CD46: variants seen among roughly 807,000 people sequenced by gnomAD.
The protein encoded by CD46 is membrane cofactor protein.
CD46 carries 30 observed loss-of-function variants against 53.3 expected under a neutral mutation model. That is an observed-to-expected ratio of 0.56 (90% CI 0.42 to 0.76). The LOEUF (loss-of-function observed/expected upper bound fraction) is 0.76, where lower values mean the gene tolerates loss of function less well. Among genes scored for constraint, CD46 ranks in the 30% least tolerant of loss-of-function variants. The probability of loss-of-function intolerance (pLI) is 0.00; values close to 1 mark genes in which losing one functional copy is unlikely to be tolerated. For missense variants in CD46, 409 were observed against 463.0 expected, an observed-to-expected ratio of 0.88 and a Z score of 1.07; for synonymous variants, 142 against 152.0, an observed-to-expected ratio of 0.93 and a Z score of 0.48.
At chr1:207,779,371 G>A (rs866309039) in intron 8 of CD46, among the ~76,000 whole-genome samples, 1 of 152,018 alleles carries the variant, frequency 6.6e-6, no homozygotes. Context: ...TCTTAAAAAT[G>A]ATATTATGCT....
intron 1 of CD46, 62 bp from the exon 2 acceptor site, chr1:207,756,952 T>C: frequency 7.2e-7 from 1 of 1,393,084 alleles, no homozygotes; most frequent in African/African-American, 1.4e-5. Context: ...CAGACCACAG[T>C]CCATGGCTGA....
intron 8 of CD46, 90 bp downstream of exon 8, chr1:207,770,452 G>C: frequency 1.1e-6 from 1 of 936,660 alleles, no homozygotes; most frequent in Middle Eastern, 3.3e-4. Flanking sequence ...TGTGCACAGC[G>C]TGCAGGTTTG....
chr1:207,774,512 G>A (rs1021022241), intron 8 of CD46, among the ~76,000 whole-genome samples: 1 of 152,196 alleles, frequency 6.6e-6, no homozygotes, highest in Non-Finnish European at 1.5e-5. Flanking sequence ...TTTTTGCAGT[G>A]GCTGGTACCG....
chr1:207,786,018 C>T (rs896972360), intron 11 of CD46: 1 of 222,608 alleles, frequency 4.5e-6, no homozygotes, highest in African/African-American at 2.3e-5. Context: ...CAAAATTGCA[C>T]TAATGGCCAA....
rs1660033853 is a variant in CD46, at chr1:207,794,000, A to G, written c.*523A>G. 1 of 191,242 alleles carries G rather than the reference A, an allele frequency of 5.2e-6. No homozygotes were observed. The allele number at this position is 191,242 out of a possible 1,614,324, so 11.8% of individuals were successfully genotyped here. ...AGATTATTCTTTCACCAACTATAGA[A>G]TGTATTTTATATATCGTTCATTGTA... On this transcript the variant is annotated 3_prime_UTR_variant, in exon 13 of 13. Coordinates refer to ENST00000367042, the MANE Select transcript of CD46 (RefSeq NM_172351.3).
chr1:207,752,364 T>A lies in CD46; in HGVS notation c.97+55T>A. ...GCGGCGAGACTAGAGCTCTCCTCAGTCGGGCAAGAGTCGCGGGGCGGGGCT... is the reference window on the plus strand; with the variant it reads ...GCGGCGAGACTAGAGCTCTCCTCAGACGGGCAAGAGTCGCGGGGCGGGGCT... On this transcript the variant is annotated intron_variant, in intron 1 of 12. Coordinates refer to ENST00000367042, the MANE Select transcript of CD46 (RefSeq NM_172351.3). The surrounding 1 kb of genome is among the most constrained non-coding windows in gnomAD (Gnocchi z 4.1). 5 of 1,534,580 alleles carry A rather than the reference T, an allele frequency of 3.3e-6. No homozygotes were observed. The highest frequency in any genetic ancestry group is 4.5e-6 in the Non-Finnish European group (5 of 1,109,064).
chr1:207,794,932 T>C lies in CD46; in HGVS notation c.*1455T>C, dbSNP rs1233404482. On this transcript the variant is annotated 3_prime_UTR_variant, in exon 13 of 13. Coordinates refer to ENST00000367042, the MANE Select transcript of CD46 (RefSeq NM_172351.3). The stretch of plus-strand genomic sequence containing the variant: ...AGATATGATTGGAAAATCAAGAGTG[T>C]AGAAGAATAAATACTGTTTTACTGT... The C allele has an allele frequency of 1.3e-5, 2 of 152,212 alleles. No homozygotes were observed. Among genetic ancestry groups the C allele is most frequent in the African/African-American group, 2.4e-5 (1 of 41,470 alleles). The allele number at this position is 152,212 out of a possible 1,614,324, so 9.4% of individuals were successfully genotyped here. A position where few individuals can be genotyped will look rare whatever the true frequency, so the allele number is the denominator to read the frequency against.
At chr1:207,765,283 G>A (rs958722231) in intron 5 of CD46, among the ~76,000 whole-genome samples, 2 of 152,082 alleles carry the variant, frequency 1.3e-5, no homozygotes, top group South Asian at 4.1e-4. Context: ...AAACTTCTCA[G>A]CAAACTAGGA....
At chr1:207,761,535 G>A (rs537638949) in intron 5 of CD46, 89 bp downstream of exon 5, 13 of 1,029,898 alleles carry the variant, frequency 1.3e-5, no homozygotes, top group Non-Finnish European at 2.0e-5. Context: ...CAAAGCAGGT[G>A]TATGTGCTTC....
At position 207,767,171 on chromosome 1, in the gene CD46, C is replaced by T; in HGVS notation, c.832C>T (p.Pro278Ser). Residue 278 changes from proline (P) to serine (S), a missense_variant, in exon 6 of 13, where the codon CCC (proline) becomes TCC (serine). Pro to Ser is a moderately conservative substitution (Grantham distance 74). Coordinates refer to ENST00000367042, the MANE Select transcript of CD46 (RefSeq NM_172351.3). ...IVCDSNSTWD[P>S]PVPKCLKVST... ...CTGTGACAGTAACAGTACTTGGGAT[C>T]CCCCAGTTCCAAAGTGTCTTAAAGG... The T allele has an allele frequency of 6.2e-7, 1 of 1,613,460 alleles. No individual in the cohort carries two copies. The highest frequency in any genetic ancestry group is 8.5e-7 in the Non-Finnish European group (1 of 1,179,388).
intron 8 of CD46, among the ~76,000 whole-genome samples, chr1:207,782,324 G>C (rs1260674384): frequency 6.6e-6 from 1 of 152,132 alleles, no homozygotes; most frequent in Non-Finnish European, 1.5e-5. Context: ...GCATGTGTGT[G>C]TATATGTGGG....
chr1:207,754,166 G>A (rs1313039882), intron 1 of CD46, among the ~76,000 whole-genome samples: 1 of 152,208 alleles, frequency 6.6e-6, no homozygotes, highest in Non-Finnish European at 1.5e-5. Flanking sequence ...GAGGCAAGCA[G>A]TATAATTTTC....
chr1:207,783,803 T>G (rs988646230), intron 9 of CD46: 1 of 153,138 alleles, frequency 6.5e-6, no homozygotes, highest in African/African-American at 2.4e-5. Flanking sequence ...CACCTTAGGC[T>G]TGTTTTTTAG....
rs1249619162 is a variant in CD46, at chr1:207,757,279, G to A, written c.286+77G>A. On this transcript the variant is annotated intron_variant, in intron 2 of 12. Coordinates refer to ENST00000367042, the MANE Select transcript of CD46 (RefSeq NM_172351.3). The stretch of plus-strand genomic sequence containing the variant: ...CATTTTGGGGTACATATTCCACTAC[G>A]GTGATGATGATTTTCTTCTTGTAAA... 1.2e-5 allele frequency: 15 copies of A among 1,246,912 alleles called. No homozygotes were observed. The East Asian group carries it at 3.0e-4, about 25-fold the overall frequency. The allele number at this position is 1,246,912 out of a possible 1,614,324, so 77.2% of individuals were successfully genotyped here. A position where few individuals can be genotyped will look rare whatever the true frequency, so the allele number is the denominator to read the frequency against.
intron 8 of CD46, among the ~76,000 whole-genome samples, chr1:207,771,816 G>A (rs1201091630): frequency 6.6e-6 from 1 of 152,176 alleles, no homozygotes; most frequent in Non-Finnish European, 1.5e-5. Flanking sequence ...AGTATAGTTT[G>A]AAGTCAGGTA....
intron 9 of CD46, among the ~76,000 whole-genome samples, chr1:207,783,914 G>C (rs763693037): frequency 6.6e-6 from 1 of 152,124 alleles, no homozygotes; most frequent in Non-Finnish European, 1.5e-5. Context: ...GAGCAGAGTT[G>C]AACATAGCAC....
chr1:207,777,923 C>G (rs948677723), intron 8 of CD46, among the ~76,000 whole-genome samples: 1 of 152,132 alleles, frequency 6.6e-6, no homozygotes, highest in Non-Finnish European at 1.5e-5. Context: ...TAAGTGTTCC[C>G]TTTTCTCTAC....
chr1:207,780,234 AT>A (rs2102663831), intron 8 of CD46, among the ~76,000 whole-genome samples: 1 of 151,994 alleles, frequency 6.6e-6, no homozygotes, highest in East Asian at 1.9e-4. Flanking sequence ...GAATTTGCCT[AT>A]TCTAGGTAAA....
intron 2 of CD46, 130 bp from the exon 3 acceptor site, chr1:207,757,410 T>G: frequency 1.3e-6 from 1 of 780,978 alleles, no homozygotes; most frequent in Non-Finnish European, 2.2e-6. Context: ...GAATCTTAAG[T>G]TTGCCCTTAT....
Sources: gnomAD v4.1 joint callset for allele counts (sites outside exome capture counted in the v4.1 genomes callset) on GRCh38, gnomAD v4.1.1 for gene constraint, Gnocchi (gnomAD v3.1) non-coding constraint, MANE v1.5 for transcripts, NCBI Gene and HGNC (gene_info 2026-07-23, HGNC 2026-07-21) for gene names.